RREB1: variants seen among roughly 807,000 people sequenced by gnomAD.
RREB1 encodes the protein ras-responsive element-binding protein 1.
In RREB1, 27 loss-of-function variants were observed where a neutral mutation model predicts 117.8. The ratio of observed to expected loss-of-function variants is 0.23; its 90% confidence interval spans 0.17 to 0.32. The LOEUF (loss-of-function observed/expected upper bound fraction) is 0.32, where lower values mean the gene tolerates loss of function less well. Among genes scored for constraint, RREB1 ranks in the 10% least tolerant of loss-of-function variants. The pLI, the probability that RREB1 is intolerant of heterozygous loss-of-function variation, is 1.00. For missense variants in RREB1, 2,577 were observed against 2,378.2 expected, an observed-to-expected ratio of 1.08 and a Z score of -1.74; for synonymous variants, 1,298 against 1,026.7, an observed-to-expected ratio of 1.26 and a Z score of -5.05.
intron 1 of RREB1, among the ~76,000 whole-genome samples, chr6:7,126,024 C>T (rs549910449): frequency 1.9e-4 from 23 of 124,302 alleles, no homozygotes; most frequent in South Asian, 7.0e-4. Context: ...TGTTTTGAGA[C>T]GGAGTCTTGC....
chr6:7,218,461 A>G lies in RREB1; in HGVS notation c.707+6752A>G, dbSNP rs544918528. ...GAGCACTGGGGGAGCTAATCCCAAA[A>G]CTGTTTAGCCACAAGGTTAAGAAGT... On this transcript the variant is annotated intron_variant, in intron 8 of 12. Transcript: ENST00000379938. 6 of 152,236 alleles carry G rather than the reference A, an allele frequency of 3.9e-5. No individual in the cohort carries two copies. In the East Asian group the frequency reaches 1.2e-3, roughly 29 times the overall value. The allele number at this position is 152,236 out of a possible 1,614,324, so 9.4% of individuals were successfully genotyped here.
chr6:7,189,047 T>C (rs1765255153), intron 5 of RREB1, 112 bp from the exon 6 acceptor site: 21 of 1,022,394 alleles, frequency 2.1e-5, no homozygotes, highest in Non-Finnish European at 2.6e-5. Context: ...GAGAAACACA[T>C]AGCCAAGAAA....
At chr6:7,141,369 C>T in intron 1 of RREB1, among the ~76,000 whole-genome samples, 1 of 152,218 alleles carries the variant, frequency 6.6e-6, no homozygotes, top group Non-Finnish European at 1.5e-5. Flanking sequence ...AATGAACAAC[C>T]GGAGCTCTTC....
At chr6:7,165,514 T>C (rs1763889337) in intron 1 of RREB1, among the ~76,000 whole-genome samples, 1 of 152,226 alleles carries the variant, frequency 6.6e-6, no homozygotes, top group African/African-American at 2.4e-5. Context: ...AACAATTTCA[T>C]GTCATGAAAA....
intron 2 of RREB1, among the ~76,000 whole-genome samples, chr6:7,177,418 A>C (rs1764560563): frequency 6.6e-6 from 1 of 151,880 alleles, no homozygotes; most frequent in Non-Finnish European, 1.5e-5. Flanking sequence ...ATGTGTGTTA[A>C]AAACTGGAAC....
At chr6:7,138,579 A>G (rs1762437714) in intron 1 of RREB1, among the ~76,000 whole-genome samples, 1 of 152,238 alleles carries the variant, frequency 6.6e-6, no homozygotes, top group Non-Finnish European at 1.5e-5. Context: ...CAAAGCTCTT[A>G]TAGATTTATG....
At chr6:7,131,667 A>C (rs562563185) in intron 1 of RREB1, among the ~76,000 whole-genome samples, 2 of 152,018 alleles carry the variant, frequency 1.3e-5, no homozygotes, top group Admixed American at 6.5e-5. Flanking sequence ...TGGGCTGACA[A>C]AGCTGATAGC....
Position 7,248,869 on chromosome 6 carries a change from G to A in RREB1, c.5130G>A (p.Ala1710=), listed in dbSNP as rs1321419406. ...GTGACCTTAACCCAGAGAGCCCGGC[G>A]GCCCTGGGGCAGGACCTGCTGGAGC... ...GQGDLNPESP[A]ALGQDLLEPR... Residue 1710 remains alanine (A), a synonymous_variant, in exon 13 of 13, where the codon GCG becomes GCA. Transcript: ENST00000379938. 6.9e-6 allele frequency: 11 copies of A among 1,596,302 alleles called. No homozygotes were observed. Among genetic ancestry groups the A allele is most frequent in the Non-Finnish European group, 8.5e-6 (10 of 1,172,210 alleles).
chr6:7,137,300 C>T (rs1268876471), intron 1 of RREB1, among the ~76,000 whole-genome samples: 1 of 152,120 alleles, frequency 6.6e-6, no homozygotes, highest in Non-Finnish European at 1.5e-5. Context: ...CTTATAGACT[C>T]GGGTACAGGG....
intron 6 of RREB1, among the ~76,000 whole-genome samples, chr6:7,209,227 A>G (rs1766444478): frequency 6.6e-6 from 1 of 152,192 alleles, no homozygotes; most frequent in South Asian, 2.1e-4. Context: ...TAATATTCTC[A>G]TATCAACTGT....
intron 4 of RREB1, 75 bp downstream of exon 4, chr6:7,182,157 C>T (rs561847848): frequency 1.3e-5 from 18 of 1,345,076 alleles, no homozygotes; most frequent in Non-Finnish European, 1.9e-5. Flanking sequence ...TCCGAGTTTC[C>T]TATGATAAAA....
In RREB1 at chr6:7,250,145, GC is replaced by G. The variant is rs1769347167; in HGVS notation, c.*1178del. ...CACTGCAGAGATGACTTTGGAGAAA[GC>G]AAAGCAGTGACCCAGTGACCAGGCA... On this transcript the variant is annotated 3_prime_UTR_variant, in exon 13 of 13. Transcript: ENST00000379938. 1.3e-5 allele frequency: 2 copies of G among 152,512 alleles called. No homozygotes were observed. 9.4% of individuals were successfully genotyped at this position (152,512 alleles called of 1,614,324 possible).
At chr6:7,199,317 C>T (rs763427003) in intron 6 of RREB1, among the ~76,000 whole-genome samples, 3 of 152,214 alleles carry the variant, frequency 2.0e-5, no homozygotes, top group South Asian at 2.1e-4. Context: ...CTCTGGCTCA[C>T]GTTAGGTGCT....
chr6:7,235,060 G>C (rs954334525), intron 10 of RREB1, among the ~76,000 whole-genome samples: 2 of 152,232 alleles, frequency 1.3e-5, no homozygotes, highest in Non-Finnish European at 2.9e-5. Flanking sequence ...CTACAGAATC[G>C]TGTTAGCCAC....
intron 11 of RREB1, among the ~76,000 whole-genome samples, chr6:7,240,825 A>C (rs1358668680): frequency 6.6e-6 from 1 of 152,188 alleles, no homozygotes; most frequent in Non-Finnish European, 1.5e-5. Flanking sequence ...AAACAGTGAC[A>C]GTGCCCCTCG....
intron 6 of RREB1, among the ~76,000 whole-genome samples, chr6:7,201,307 G>C (rs1311779592): frequency 6.6e-6 from 1 of 152,188 alleles, no homozygotes; most frequent in African/African-American, 2.4e-5. Context: ...CCTGCAGGGA[G>C]CTGGCAGCAT....
intron 4 of RREB1, among the ~76,000 whole-genome samples, chr6:7,187,044 C>G (rs1275424052): frequency 6.6e-6 from 1 of 152,152 alleles, no homozygotes; most frequent in African/African-American, 2.4e-5. Flanking sequence ...CCAGGCTGGA[C>G]TTGGGGAGAA....
rs370196682 is a variant in RREB1, at chr6:7,189,136, G to A, written c.262-23G>A. 7.9e-4 allele frequency: 1,265 copies of A among 1,604,118 alleles called. 7 individuals carry two copies. The highest frequency in any genetic ancestry group is 6.5e-3 in the South Asian group (588 of 90,188). On this transcript the variant is annotated intron_variant, in intron 5 of 12. Transcript: ENST00000379938. Reference sequence around the variant, plus strand: ...TTCTGATGCACTTTCTTAAGTGACCGCTGTGACCATTGCTTTCTGCAGCAC... The same window carrying A: ...TTCTGATGCACTTTCTTAAGTGACCACTGTGACCATTGCTTTCTGCAGCAC...
At chr6:7,236,091 C>T (rs1768294815) in intron 10 of RREB1, among the ~76,000 whole-genome samples, 1 of 152,130 alleles carries the variant, frequency 6.6e-6, no homozygotes, top group Non-Finnish European at 1.5e-5. Flanking sequence ...CTAAACGCGC[C>T]ACTCCATAGG....
Sources: gnomAD v4.1 joint callset for allele counts (sites outside exome capture counted in the v4.1 genomes callset) on GRCh38, gnomAD v4.1.1 for gene constraint, MANE v1.5 for transcripts, NCBI Gene and HGNC (gene_info 2026-07-23, HGNC 2026-07-21) for gene names.